The following EHHADH variants were observed in gnomAD, a reference collection of about 807,000 sequenced individuals.
The protein encoded by EHHADH is peroxisomal bifunctional enzyme.
Under a neutral mutation model 64.4 loss-of-function variants are expected in EHHADH, and 48 were observed. That is an observed-to-expected ratio of 0.75 (90% CI 0.59 to 0.95). EHHADH has a LOEUF of 0.95. EHHADH is among the 40% of genes least tolerant of loss of function. EHHADH has a pLI of 0.00. For missense variants in EHHADH, 854 were observed against 876.6 expected (o/e 0.97, Z 0.33); for synonymous variants, 308 against 326.7 (o/e 0.94, Z 0.62).
intron 2 of EHHADH, 87 bp downstream of exon 2, chr3:185,248,327 A>G: frequency 1.0e-6 from 1 of 965,062 alleles, no homozygotes; most frequent in Admixed American, 1.7e-5. Flanking sequence ...ACACTAAGTT[A>G]TTACCAACAA....
intron 5 of EHHADH, 71 bp from the exon 6 acceptor site, chr3:185,204,828 T>C (rs937220147): frequency 1.2e-5 from 16 of 1,282,996 alleles, no homozygotes; most frequent in Admixed American, 2.3e-5. Flanking sequence ...TATATAGTAA[T>C]AACAATAACC....
chr3:185,200,029 A>G (rs6763916), intron 6 of EHHADH, among the ~76,000 whole-genome samples: 10,211 of 152,240 alleles, frequency 0.067, 1,117 homozygotes, highest in African/African-American at 0.23. Context: ...GACCCTTATC[A>G]TGGAGAATGG....
chr3:185,253,661 A>G (rs1719810678), intron 1 of EHHADH, among the ~76,000 whole-genome samples: 1 of 151,436 alleles, frequency 6.6e-6, no homozygotes, highest in Admixed American at 6.6e-5. Context: ...GTCGAGGCCA[A>G]CTCCCTAAGT....
chr3:185,251,487 T>C (rs1719745523), intron 1 of EHHADH, among the ~76,000 whole-genome samples: 2 of 152,244 alleles, frequency 1.3e-5, no homozygotes, highest in Admixed American at 1.3e-4. Context: ...GAGACAGGCC[T>C]ATTAATCAGG....
At chr3:185,232,017 G>A (rs1390334026) in intron 3 of EHHADH, among the ~76,000 whole-genome samples, 1 of 152,050 alleles carries the variant, frequency 6.6e-6, no homozygotes, top group Non-Finnish European at 1.5e-5. Context: ...GACAAGAAGG[G>A]GAGCTTGAGT....
intron 4 of EHHADH, among the ~76,000 whole-genome samples, chr3:185,223,744 T>C (rs1718897403): frequency 1.3e-5 from 2 of 152,158 alleles, no homozygotes; most frequent in Admixed American, 1.3e-4. Context: ...TGAATGAGTA[T>C]AGAGAAACTC....
intron 1 of EHHADH, among the ~76,000 whole-genome samples, chr3:185,251,673 G>A (rs1440926553): frequency 6.6e-6 from 1 of 151,652 alleles, no homozygotes; most frequent in African/African-American, 2.4e-5. Context: ...CAATCAGCTA[G>A]GAGGAGACGA....
In EHHADH at chr3:185,235,318, C is replaced by A; in HGVS notation, c.323G>T (p.Gly108Val). 1.2e-6 allele frequency: 2 copies of A among 1,613,520 alleles called. No individual in the cohort carries two copies. The highest frequency in any genetic ancestry group is 1.7e-4 in the Middle Eastern group (1 of 5,976). Residue 108 changes from glycine to valine, a missense_variant, in exon 3 of 7, where the codon GGC becomes GTC. Physicochemically the swap from Gly to Val is moderately radical, Grantham distance 109. Coordinates refer to ENST00000231887, the MANE Select transcript of EHHADH (RefSeq NM_001966.4). Reference sequence around the variant, plus strand: ...TGCGTGGGCAATCCTATAGTGACAGCCCAGGGCCAGCTCTAGTCCCCCTCC... The same window carrying A: ...TGCGTGGGCAATCCTATAGTGACAGACCAGGGCCAGCTCTAGTCCCCCTCC... ...AFGGGLELAL[G>V]CHYRIAHAEA... is the part of the protein sequence containing the mutation.
chr3:185,229,640 T>C, intron 3 of EHHADH, 97 bp from the exon 4 acceptor site: 1 of 678,056 alleles, frequency 1.5e-6, no homozygotes, highest in Non-Finnish European at 2.2e-6. Context: ...CTCAAAAGCA[T>C]GGTGTCACTG....
intron 2 of EHHADH, among the ~76,000 whole-genome samples, chr3:185,244,268 G>A (rs756635533): frequency 2.0e-5 from 3 of 152,102 alleles, no homozygotes; most frequent in Non-Finnish European, 2.9e-5. Context: ...GGCAGAAAAC[G>A]ATCAGGTTTT....
At chr3:185,201,469 G>T (rs1483022327) in intron 6 of EHHADH, among the ~76,000 whole-genome samples, 1 of 152,208 alleles carries the variant, frequency 6.6e-6, no homozygotes, top group Non-Finnish European at 1.5e-5. Flanking sequence ...TGGAGTGTGG[G>T]AGAAGCGGCA....
intron 6 of EHHADH, among the ~76,000 whole-genome samples, chr3:185,202,095 T>G (rs1282109825): frequency 6.6e-6 from 1 of 152,190 alleles, no homozygotes; most frequent in Non-Finnish European, 1.5e-5. Context: ...TCCAGCACTT[T>G]GGGAGGCCAA....
intron 3 of EHHADH, among the ~76,000 whole-genome samples, chr3:185,232,994 A>G (rs545780501): frequency 2.6e-4 from 39 of 152,376 alleles, no homozygotes; most frequent in African/African-American, 8.4e-4. Context: ...CTGTAATGAA[A>G]AGGCACTAGA....
intron 5 of EHHADH, 52 bp from the exon 6 acceptor site, chr3:185,204,809 G>C (rs1045421926): frequency 7.1e-7 from 1 of 1,415,908 alleles, no homozygotes; most frequent in Non-Finnish European, 9.7e-7. Flanking sequence ...TGTACAAAGG[G>C]AATGTGAATA....
intron 4 of EHHADH, among the ~76,000 whole-genome samples, chr3:185,221,338 T>C (rs1159818182): frequency 1.3e-5 from 2 of 152,224 alleles, no homozygotes; most frequent in Non-Finnish European, 2.9e-5. Flanking sequence ...CTGTAGTATG[T>C]TGGATCCTAA....
At chr3:185,195,953 C>G (rs1718049794) in intron 6 of EHHADH, among the ~76,000 whole-genome samples, 1 of 152,302 alleles carries the variant, frequency 6.6e-6, no homozygotes, top group South Asian at 2.1e-4. Context: ...ATTTCAGAAA[C>G]CCTGAGCTAA....
chr3:185,213,119 CAA>C (rs550233979), intron 5 of EHHADH, among the ~76,000 whole-genome samples: 12 of 43,056 alleles, frequency 2.8e-4, no homozygotes, highest in Non-Finnish European at 3.3e-4. Context: ...GACTCTGTCT[CAA>C]AAAAAAAAAA....
At chr3:185,224,217 C>T (rs956683829) in intron 4 of EHHADH, among the ~76,000 whole-genome samples, 10 of 151,508 alleles carry the variant, frequency 6.6e-5, no homozygotes, top group African/African-American at 1.5e-4. Context: ...AAAAAAATTT[C>T]GGCCGGGCGC....
intron 4 of EHHADH, among the ~76,000 whole-genome samples, chr3:185,225,414 A>G (rs564427289): frequency 6.6e-6 from 1 of 152,122 alleles, no homozygotes; most frequent in Admixed American, 6.5e-5. Flanking sequence ...TACTTTCAAA[A>G]TATCTCCAGA....
Sources: gnomAD v4.1 joint callset for allele counts (sites outside exome capture counted in the v4.1 genomes callset) on GRCh38, gnomAD v4.1.1 for gene constraint, MANE v1.5 for transcripts, NCBI Gene and HGNC (gene_info 2026-07-23, HGNC 2026-07-21) for gene names.